The following KAT6A variants were observed in gnomAD, a reference collection of about 807,000 sequenced individuals.
The protein encoded by KAT6A is histone acetyltransferase KAT6A.
A neutral mutation model predicts 198.4 loss-of-function variants in KAT6A; 9 were observed. The ratio of observed to expected loss-of-function variants is 0.05; its 90% confidence interval spans 0.03 to 0.08. The LOEUF (loss-of-function observed/expected upper bound fraction) is 0.08, where lower values mean the gene tolerates loss of function less well. Among genes scored for constraint, KAT6A ranks in the 10% least tolerant of loss-of-function variants. KAT6A has a pLI of 1.00. For missense variants in KAT6A, 2,077 were observed against 2,509.9 expected (o/e 0.83, Z 3.69); for synonymous variants, 890 against 883.0 (o/e 1.01, Z -0.14).
rs540038598 is a variant in KAT6A at position 41,932,145 on chromosome 8, C to T, written c.*60G>A. ...AAAGGTCCATTTTTCTCTGGTTTGT[C>T]AGTATAAAAGGTTCCTTTATTTATA... On this transcript the variant is annotated 3_prime_UTR_variant, in exon 17 of 17. Coordinates refer to ENST00000265713, the MANE Select transcript of KAT6A (RefSeq NM_006766.5). 5 of 1,303,536 alleles carry T rather than the reference C, an allele frequency of 3.8e-6. No homozygotes were observed. The African/African-American group carries it at 7.5e-5, about 20-fold the overall frequency. 80.7% of individuals were successfully genotyped at this position (1,303,536 alleles called of 1,614,324 possible).
rs373603016 is a variant in KAT6A at position 42,013,174 on chromosome 8, G to A, written c.601-25611C>T. The stretch of plus-strand genomic sequence containing the variant: ...ATCAAAACTCATAAAAGTAGACACA[G>A]AAAAGAATGCATTATTGCATGTAAA... On this transcript the variant is annotated intron_variant, in intron 2 of 16. Coordinates refer to ENST00000265713, the MANE Select transcript of KAT6A (RefSeq NM_006766.5). 8.0e-5 allele frequency among the ~76,000 whole-genome samples: 12 copies of A among 150,794 alleles called. No individual in the cohort carries two copies. The East Asian group carries it at 1.7e-3, about 22-fold the overall frequency.
At chr8:41,954,171 C>T (rs938892062) in intron 9 of KAT6A, among the ~76,000 whole-genome samples, 1 of 152,144 alleles carries the variant, frequency 6.6e-6, no homozygotes, top group African/African-American at 2.4e-5. Context: ...TATTTTTCTA[C>T]TTCGACTGTA....
chr8:41,998,772 A>C (rs969922619), intron 2 of KAT6A, among the ~76,000 whole-genome samples: 7 of 152,014 alleles, frequency 4.6e-5, no homozygotes, highest in South Asian at 2.1e-4. Flanking sequence ...ACTATCAAGT[A>C]CTCTATGGCT....
chr8:42,004,433 C>T (rs1237318814), intron 2 of KAT6A, among the ~76,000 whole-genome samples: 1 of 152,168 alleles, frequency 6.6e-6, no homozygotes, highest in Non-Finnish European at 1.5e-5. Context: ...TCACCAGACT[C>T]TGCAAAGAAT....
intron 8 of KAT6A, among the ~76,000 whole-genome samples, chr8:41,965,890 G>A (rs1055197250): frequency 2.0e-5 from 3 of 152,104 alleles, no homozygotes; most frequent in African/African-American, 2.4e-5. Context: ...GGTAGGTGGG[G>A]CGATGTTTAC....
At chr8:41,956,076 C>T (rs552061695) in intron 8 of KAT6A, among the ~76,000 whole-genome samples, 33 of 152,310 alleles carry the variant, frequency 2.2e-4, no homozygotes, top group African/African-American at 6.0e-4. Flanking sequence ...CTATACCCCT[C>T]ATCCCTGCAA....
chr8:41,982,012 G>C, intron 3 of KAT6A, 58 bp from the exon 4 acceptor site: 1 of 964,490 alleles, frequency 1.0e-6, no homozygotes, highest in Non-Finnish European at 1.7e-6. Context: ...TGCTATTATA[G>C]TACTAAAGAA....
intron 2 of KAT6A, among the ~76,000 whole-genome samples, chr8:41,988,284 G>A (rs1179727790): frequency 6.6e-6 from 1 of 152,114 alleles, no homozygotes; most frequent in Non-Finnish European, 1.5e-5. Context: ...CTGCTATAAG[G>A]GAGGGGAAAA....
intron 8 of KAT6A, among the ~76,000 whole-genome samples, chr8:41,960,873 A>G (rs1442688631): frequency 6.6e-6 from 1 of 152,068 alleles, no homozygotes; most frequent in African/African-American, 2.4e-5. Flanking sequence ...CACCCTTTGC[A>G]TAGACCTTTA....
intron 9 of KAT6A, among the ~76,000 whole-genome samples, chr8:41,949,696 A>G (rs1564017146): frequency 6.6e-6 from 1 of 152,222 alleles, no homozygotes; most frequent in Non-Finnish European, 1.5e-5. Context: ...TGTGAAGACC[A>G]TAACCATTTT....
At chr8:42,018,496 G>A (rs1826373633) in intron 2 of KAT6A, among the ~76,000 whole-genome samples, 1 of 152,120 alleles carries the variant, frequency 6.6e-6, no homozygotes, top group Non-Finnish European at 1.5e-5. Flanking sequence ...TGGGCAACAA[G>A]AGCAAAACTA....
At chr8:41,940,052 G>A (rs1263720986) in intron 15 of KAT6A, among the ~76,000 whole-genome samples, 1 of 152,190 alleles carries the variant, frequency 6.6e-6, no homozygotes, top group Non-Finnish European at 1.5e-5. Flanking sequence ...ATCCTGTCTT[G>A]CTTTTTAAGA....
At chr8:42,048,117 T>C (rs1802408704) in intron 2 of KAT6A, among the ~76,000 whole-genome samples, 2 of 152,136 alleles carry the variant, frequency 1.3e-5, no homozygotes, top group Non-Finnish European at 1.5e-5. Context: ...TAAACTCATA[T>C]GTCACTTTTT....
intron 2 of KAT6A, among the ~76,000 whole-genome samples, chr8:42,026,242 T>C (rs1466628086): frequency 6.6e-6 from 1 of 152,232 alleles, no homozygotes; most frequent in African/African-American, 2.4e-5. Flanking sequence ...CAGGATTGCT[T>C]TGGCTACTCA....
intron 8 of KAT6A, among the ~76,000 whole-genome samples, chr8:41,972,810 G>A (rs1261035536): frequency 6.6e-6 from 1 of 152,042 alleles, no homozygotes; most frequent in Non-Finnish European, 1.5e-5. Flanking sequence ...AGGAGTAAAG[G>A]GATATTAACA....
chr8:42,009,503 A>G (rs1825908270), intron 2 of KAT6A, among the ~76,000 whole-genome samples: 1 of 151,808 alleles, frequency 6.6e-6, no homozygotes, highest in African/African-American at 2.4e-5. Flanking sequence ...AAAAGGTGAC[A>G]TGTGACCCTG....
intron 2 of KAT6A, among the ~76,000 whole-genome samples, chr8:42,019,677 G>C (rs1343357700): frequency 6.6e-6 from 1 of 152,168 alleles, no homozygotes; most frequent in African/African-American, 2.4e-5. Flanking sequence ...GTAACTGATT[G>C]AGTATCCAGG....
chr8:41,947,416 A>C (rs778043258), intron 11 of KAT6A, among the ~76,000 whole-genome samples: 31 of 152,254 alleles, frequency 2.0e-4, no homozygotes, highest in Non-Finnish European at 3.8e-4. Context: ...TAAAGTTCAA[A>C]TAAGGAAGAG....
In KAT6A at chr8:42,004,083, A is replaced by G. The variant is rs75778053; in HGVS notation, c.601-16520T>C. On this transcript the variant is annotated intron_variant, in intron 2 of 16. Transcript: ENST00000265713. ...ATCCTCAATGTTACCTACACAGACC[A>G]TTATCTTTAGTATTTATTGTGTATA... Among the ~76,000 whole-genome samples, 604 of 152,308 alleles carry G rather than the reference A, an allele frequency of 4.0e-3. 1 individual carries two copies. The highest frequency in any genetic ancestry group is 7.6e-3 in the Non-Finnish European group (519 of 68,024).
Sources: gnomAD v4.1 joint callset for allele counts (sites outside exome capture counted in the v4.1 genomes callset) on GRCh38, gnomAD v4.1.1 for gene constraint, MANE v1.5 for transcripts, NCBI Gene and HGNC (gene_info 2026-07-23, HGNC 2026-07-21) for gene names.